PDZD2: variants seen among roughly 807,000 people sequenced by gnomAD.
The protein encoded by PDZD2 is PDZ domain containing 2, also known as PDZ domain-containing protein 2.
PDZD2 carries 90 observed loss-of-function variants against 220.7 expected under a neutral mutation model. That is an observed-to-expected ratio of 0.41 (90% CI 0.34 to 0.49). The LOEUF (loss-of-function observed/expected upper bound fraction) is 0.49. Ranked by LOEUF, PDZD2 falls within the 20% of genes least tolerant of loss-of-function variation. The pLI, the probability that PDZD2 is intolerant of heterozygous loss-of-function variation, is 0.28. For synonymous variants in PDZD2, 1,375 were observed against 1,450.5 expected (o/e 0.95, Z 1.18); for missense variants, 3,174 against 3,608.5 (o/e 0.88, Z 3.08).
intron 2 of PDZD2, among the ~76,000 whole-genome samples, chr5:31,883,776 A>AT (rs1740164273): frequency 6.6e-6 from 1 of 151,830 alleles, no homozygotes; most frequent in Non-Finnish European, 1.5e-5. Context: ...TAATTTTTGT[A>AT]TTTTTAGTAG....
intron 1 of PDZD2, chr5:31,657,429 T>A (rs1443733563): frequency 6.6e-6 from 1 of 152,188 alleles, no homozygotes; most frequent in African/African-American, 2.4e-5. Context: ...TGTTCAACAT[T>A]TTTATCAACG....
intron 1 of PDZD2, chr5:31,787,584 G>T (rs1374089265): frequency 1.3e-5 from 2 of 151,842 alleles, no homozygotes; most frequent in Admixed American, 6.6e-5. Flanking sequence ...TAGCTGCCAG[G>T]TTATCCTTTT....
intron 2 of PDZD2, among the ~76,000 whole-genome samples, chr5:31,881,308 C>T (rs570865208): frequency 6.7e-6 from 1 of 148,456 alleles, no homozygotes; most frequent in East Asian, 2.0e-4. Context: ...TGACTTGTCT[C>T]ATCCCATTTC....
chr5:31,803,101 A>T (rs895241305), intron 2 of PDZD2, among the ~76,000 whole-genome samples: 149 of 140,692 alleles, frequency 1.1e-3, no homozygotes, highest in Admixed American at 2.0e-3. Context: ...ATTTTATTTT[A>T]TTTTTTTTTT....
At chr5:31,998,467 A>G (rs1751821305) in intron 4 of PDZD2, among the ~76,000 whole-genome samples, 1 of 152,202 alleles carries the variant, frequency 6.6e-6, no homozygotes, top group Admixed American at 6.5e-5. Context: ...AAGCTGTTGA[A>G]GGAAGGAAAG....
At chr5:31,886,843 G>A (rs181902175) in intron 2 of PDZD2, among the ~76,000 whole-genome samples, 23 of 152,108 alleles carry the variant, frequency 1.5e-4, no homozygotes, top group Middle Eastern at 3.4e-3. Flanking sequence ...CACTACAGGC[G>A]CCTGCCACCA....
intron 2 of PDZD2, among the ~76,000 whole-genome samples, chr5:31,854,066 A>G (rs987316128): frequency 6.6e-5 from 10 of 152,220 alleles, no homozygotes; most frequent in Non-Finnish European, 1.5e-4. Flanking sequence ...ATGGAAGAGA[A>G]TACAGCTGAA....
intron 1 of PDZD2, among the ~76,000 whole-genome samples, chr5:31,784,920 G>A (rs945073871): frequency 2.0e-5 from 3 of 151,944 alleles, no homozygotes; most frequent in Non-Finnish European, 2.9e-5. Context: ...AAAAAAAAAG[G>A]TAGTCATGAC....
intron 2 of PDZD2, among the ~76,000 whole-genome samples, chr5:31,878,964 G>A (rs1332793292): frequency 6.6e-6 from 1 of 152,068 alleles, no homozygotes; most frequent in Non-Finnish European, 1.5e-5. Flanking sequence ...GCATAGACAC[G>A]GCACTGTCCA....
At chr5:31,830,455 C>T (rs1756511581) in intron 2 of PDZD2, among the ~76,000 whole-genome samples, 1 of 151,644 alleles carries the variant, frequency 6.6e-6, no homozygotes, top group South Asian at 2.1e-4. Context: ...GGATTACAGG[C>T]GTGAGCCACT....
chr5:31,881,434 A>G (rs1484283949), intron 2 of PDZD2, among the ~76,000 whole-genome samples: 2 of 148,280 alleles, frequency 1.3e-5, no homozygotes, highest in African/African-American at 5.0e-5. Context: ...TTGGAGTGCA[A>G]TGGTGCGATC....
At chr5:31,663,868 T>C (rs570927415) in intron 1 of PDZD2, among the ~76,000 whole-genome samples, 2 of 152,124 alleles carry the variant, frequency 1.3e-5, no homozygotes, top group East Asian at 3.9e-4. Context: ...TGTGTGTGTG[T>C]GTGTGTGTAT....
At chr5:32,057,155 G>C (rs1191652204) in intron 10 of PDZD2, among the ~76,000 whole-genome samples, 3 of 152,126 alleles carry the variant, frequency 2.0e-5, no homozygotes. Context: ...CCATTGCTCA[G>C]TAATATTTTA....
chr5:31,761,866 A>G (rs1404072745), intron 1 of PDZD2, among the ~76,000 whole-genome samples: 8 of 151,360 alleles, frequency 5.3e-5, no homozygotes, highest in African/African-American at 1.7e-4. Flanking sequence ...ATCTCAAAAA[A>G]AAAAAAAAAG....
chr5:31,813,281 T>C lies in PDZD2; in HGVS notation c.476+13557T>C, dbSNP rs561984525. Among the ~76,000 whole-genome samples, 33 of 152,036 alleles carry C rather than the reference T, an allele frequency of 2.2e-4. 1 individual carries two copies. The South Asian group carries it at 6.7e-3, about 31-fold the overall frequency. ...CTGGCTAACACGGTGAAACCCCGTCTCTACTAAAAATACAAAAAATTAGCC... is the reference window on the plus strand; with the variant it reads ...CTGGCTAACACGGTGAAACCCCGTCCCTACTAAAAATACAAAAAATTAGCC... On this transcript the variant is annotated intron_variant, in intron 2 of 24. Transcript: ENST00000438447.
At chr5:31,831,680 G>A (rs995989311) in intron 2 of PDZD2, among the ~76,000 whole-genome samples, 5 of 151,844 alleles carry the variant, frequency 3.3e-5, no homozygotes, top group South Asian at 2.1e-4. Flanking sequence ...CCTGGGAGGC[G>A]GAGGTTGCAG....
rs1330251727 is a variant in PDZD2, at chr5:32,000,621, C to T, written c.1254+350C>T. Among the ~76,000 whole-genome samples the T allele has an allele frequency of 6.6e-6, 1 of 152,182 alleles. No individual in the cohort carries two copies. The highest frequency in any genetic ancestry group is 1.5e-5 in the Non-Finnish European group (1 of 68,034). On this transcript the variant is annotated intron_variant, in intron 5 of 24. Coordinates refer to ENST00000438447, the MANE Select transcript of PDZD2 (RefSeq NM_178140.4). The surrounding 1 kb of genome is among the most constrained non-coding windows in gnomAD (Gnocchi z 4.5). ...CACCTTCCGGATTCAAGCAGTTCTC[C>T]TGCCTCAGCCTCCCAAGTAGCTAGG... is the stretch of plus-strand genomic sequence containing the variant.
chr5:32,092,534 T>C (rs768310427), intron 20 of PDZD2, among the ~76,000 whole-genome samples: 6 of 152,256 alleles, frequency 3.9e-5, no homozygotes, highest in African/African-American at 7.2e-5. Flanking sequence ...ATCGTGCCAC[T>C]GCACTCCAGC....
intron 6 of PDZD2, among the ~76,000 whole-genome samples, chr5:32,035,924 A>C (rs569052082): frequency 6.8e-6 from 1 of 147,666 alleles, no homozygotes; most frequent in Admixed American, 6.8e-5. Flanking sequence ...TTCATCATCA[A>C]CCTTTGTTTT....
Sources: allele counts gnomAD v4.1 joint callset (sites outside exome capture counted in the v4.1 genomes callset), GRCh38; gene constraint gnomAD v4.1.1; non-coding constraint Gnocchi (gnomAD v3.1); transcripts MANE v1.5; gene names NCBI Gene and HGNC (gene_info 2026-07-23, HGNC 2026-07-21).